The following GABRP variants were observed in gnomAD, a reference collection of about 807,000 sequenced individuals.
GABRP encodes the protein gamma-aminobutyric acid receptor subunit pi.
In GABRP, 52 loss-of-function variants were observed where a neutral mutation model predicts 47.8. The ratio of observed to expected loss-of-function variants is 1.09; its 90% CI spans 0.87 to 1.37. The LOEUF is 1.37. Ranked by LOEUF, GABRP falls within the 40% of genes most tolerant of loss-of-function variation. The pLI, the probability that GABRP is intolerant of heterozygous loss-of-function variation, is 0.00. For synonymous variants in GABRP, 221 were observed against 205.8 expected (o/e 1.07, Z -0.63); for missense variants, 525 against 542.8 (o/e 0.97, Z 0.33).
At chr5:170,795,656 C>T (rs1176532382) in intron 5 of GABRP, among the ~76,000 whole-genome samples, 1 of 152,156 alleles carries the variant, frequency 6.6e-6, no homozygotes, top group African/African-American at 2.4e-5. Context: ...AAGGCATTGA[C>T]CTGTCCTCAA....
intron 3 of GABRP, among the ~76,000 whole-genome samples, chr5:170,791,219 G>A (rs1765258336): frequency 6.6e-6 from 1 of 152,232 alleles, no homozygotes; most frequent in Non-Finnish European, 1.5e-5. Flanking sequence ...GGGATGTGAT[G>A]CCTCATCCCA....
chr5:170,811,668 C>A (rs1193931543), intron 9 of GABRP, among the ~76,000 whole-genome samples: 3 of 152,308 alleles, frequency 2.0e-5, no homozygotes, highest in African/African-American at 7.2e-5. Context: ...GGTCCACTAA[C>A]TTCAAAGCCT....
At chr5:170,799,365 C>T (rs1380724964) in intron 6 of GABRP, among the ~76,000 whole-genome samples, 1 of 152,190 alleles carries the variant, frequency 6.6e-6, no homozygotes, top group Non-Finnish European at 1.5e-5. Context: ...CACTGTCTTC[C>T]ACAGTGGTTG....
chr5:170,812,315 A>C lies in GABRP; in HGVS notation c.*57A>C. The C allele has an allele frequency of 7.0e-7, 1 of 1,428,010 alleles. No individual in the cohort carries two copies. Among genetic ancestry groups the C allele is most frequent in the South Asian group, 1.3e-5 (1 of 79,810 alleles). 88.5% of individuals were successfully genotyped at this position (1,428,010 alleles called of 1,614,324 possible). A position where few individuals can be genotyped will look rare whatever the true frequency, so the allele number is the denominator to read the frequency against. ...CTTCAACAGGACAAGATAATGATGTAAATGGTATTTTAGGCCAAGTGTGCA... is the reference window on the plus strand; with the variant it reads ...CTTCAACAGGACAAGATAATGATGTCAATGGTATTTTAGGCCAAGTGTGCA... On this transcript the variant is annotated 3_prime_UTR_variant, in exon 10 of 10. Coordinates refer to ENST00000265294, the MANE Select transcript of GABRP (RefSeq NM_014211.3).
rs545240158 is a variant in GABRP at position 170,784,288 on chromosome 5, G to A, written c.-43+414G>A. On this transcript the variant is annotated intron_variant, in intron 1 of 9. Transcript: ENST00000265294. ...GTGCCTGCATAGGAAGGAAGCTGGA[G>A]GTGACAAGTTGGGGTTGGGGGTCAC... Among the ~76,000 whole-genome samples the A allele has an allele frequency of 4.6e-5, 7 of 152,164 alleles. No homozygotes were observed. The East Asian group carries it at 1.3e-3, about 29-fold the overall frequency.
intron 6 of GABRP, among the ~76,000 whole-genome samples, chr5:170,800,567 A>G (rs1179509452): frequency 6.6e-6 from 1 of 152,218 alleles, no homozygotes; most frequent in Non-Finnish European, 1.5e-5. Context: ...AGGAGGTAAC[A>G]AAATGTGTTT....
chr5:170,794,504 T>C lies in GABRP; in HGVS notation c.240+206T>C, dbSNP rs553965143. On this transcript the variant is annotated intron_variant, in intron 4 of 9. Coordinates refer to ENST00000265294, the MANE Select transcript of GABRP (RefSeq NM_014211.3). The stretch of plus-strand genomic sequence containing the variant: ...AGAGCAGATTTTCTGAGTAAGACAA[T>C]GGAAGATTCTTGTAGAGCAGATTTC... The C allele has an allele frequency of 1.5e-5, 6 of 388,326 alleles. No individual in the cohort carries two copies. In the East Asian group the frequency reaches 1.9e-4, roughly 12 times the overall value. The allele number at this position is 388,326 out of a possible 1,614,324, so 24.1% of individuals were successfully genotyped here.
intron 2 of GABRP, 35 bp downstream of exon 2, chr5:170,788,703 G>A (rs756818562): frequency 6.2e-7 from 1 of 1,603,908 alleles, no homozygotes; most frequent in South Asian, 1.1e-5. Context: ...GCCTCCATCT[G>A]CGTTGCTTTG....
At position 170,812,284 on chromosome 5, in the gene GABRP, A is replaced by C; in HGVS notation, c.*26A>C. ...GTCAATGTTAAATTTCTTGCATGCC[A>C]TAGGTCTTCAACAGGACAAGATAAT... On this transcript the variant is annotated 3_prime_UTR_variant, in exon 10 of 10. Transcript: ENST00000265294. 1.3e-6 allele frequency: 2 copies of C among 1,571,872 alleles called. No homozygotes were observed.
At chr5:170,809,519 G>A in intron 8 of GABRP, 49 bp from the exon 9 acceptor site, 1 of 1,583,656 alleles carries the variant, frequency 6.3e-7, no homozygotes, top group African/African-American at 1.3e-5. Flanking sequence ...GGCTATGGTG[G>A]AGGACTAACC....
intron 2 of GABRP, 128 bp from the exon 3 acceptor site, chr5:170,789,001 G>T: frequency 1.4e-6 from 1 of 728,092 alleles, no homozygotes; most frequent in South Asian, 1.7e-5. Context: ...CTGTAGGAAT[G>T]TCACTGCTGG....
chr5:170,791,680 C>T (rs898683872), intron 3 of GABRP, among the ~76,000 whole-genome samples: 4 of 136,648 alleles, frequency 2.9e-5, no homozygotes, highest in African/African-American at 8.5e-5. Context: ...GTGGAGCTCT[C>T]GTGTCTTTTC....
chr5:170,784,126 C>T (rs1334604273), intron 1 of GABRP, among the ~76,000 whole-genome samples: 1 of 152,202 alleles, frequency 6.6e-6, no homozygotes, highest in Non-Finnish European at 1.5e-5. Context: ...ACGCGCCGCA[C>T]CACTTTATCT....
In GABRP at chr5:170,794,282, T is replaced by C. The variant is rs1317463909; in HGVS notation, c.224T>C (p.Ile75Thr). Residue 75 changes from isoleucine (I) to threonine (T), a missense_variant, in exon 4 of 10, where the codon ATT (isoleucine) becomes ACT (threonine). Physicochemically the swap from Ile to Thr is moderately conservative, Grantham distance 89. Coordinates refer to ENST00000265294, the MANE Select transcript of GABRP (RefSeq NM_014211.3). The stretch of plus-strand genomic sequence containing the variant: ...CTGGACATTGCAAGTATCTCTAGCA[T>C]TTCAGAGAGTAACATGGTAAGCGCT... Reference protein sequence around the residue: ...LTLDIASISSISESNMDYTAT... With the variant: ...LTLDIASISSTSESNMDYTAT... The C allele has an allele frequency of 1.2e-6, 2 of 1,610,726 alleles. No homozygotes were observed. The highest frequency in any genetic ancestry group is 1.7e-6 in the Non-Finnish European group (2 of 1,177,670).
In GABRP at chr5:170,795,419, C is replaced by A. The variant is rs80121803; in HGVS notation, c.452C>A (p.Ala151Asp). 4.5e-5 allele frequency: 73 copies of A among 1,613,530 alleles called. No individual in the cohort carries two copies. The highest frequency in any genetic ancestry group is 6.1e-5 in the Non-Finnish European group (72 of 1,179,630). ...TTCTCCAATGGCACGGTCCTGTATG[C>A]CCTCAGGTACGCGGACACCTGTGAC... The part of the protein sequence containing the change: ...RLFSNGTVLY[A>D]LRITTTVACN... The change falls in exon 5 of 10, where the codon GCC becomes GAC. Residue 151 changes from alanine (A) to aspartate (D), a missense_variant. Physicochemically the swap from Ala to Asp is moderately radical, Grantham distance 126. Coordinates refer to ENST00000265294, the MANE Select transcript of GABRP (RefSeq NM_014211.3).
At chr5:170,782,990 G>T (rs1246107580), upstream of GABRP, 2 of 149,864 alleles carry the variant, frequency 1.3e-5, no homozygotes, top group Non-Finnish European at 2.9e-5. Flanking sequence ...AAGCACTTCT[G>T]TTAGGAGGTT....
intron 3 of GABRP, among the ~76,000 whole-genome samples, chr5:170,793,078 G>A (rs1487308411): frequency 1.3e-5 from 2 of 152,110 alleles, no homozygotes; most frequent in Non-Finnish European, 2.9e-5. Flanking sequence ...GATAACCAAT[G>A]ATGAACACCT....
chr5:170,808,487 C>G lies in GABRP; in HGVS notation c.680-113C>G. The stretch of plus-strand genomic sequence containing the variant: ...AATCATAATGACAGTTCATACATAA[C>G]CAGATTTAGATCAATGACAGAGGGC... On this transcript the variant is annotated intron_variant, in intron 7 of 9. Transcript: ENST00000265294. The G allele has an allele frequency of 2.7e-5, 24 of 874,246 alleles. No homozygotes were observed. The South Asian group carries it at 4.2e-4, about 15-fold the overall frequency. 54.2% of individuals were successfully genotyped at this position (874,246 alleles called of 1,614,324 possible). A position where few individuals can be genotyped will look rare whatever the true frequency, so the allele number is the denominator to read the frequency against.
intron 4 of GABRP, 33 bp from the exon 5 acceptor site, chr5:170,795,175 C>T (rs1765392258): frequency 6.7e-7 from 1 of 1,499,534 alleles, no homozygotes; most frequent in African/African-American, 1.4e-5. Flanking sequence ...CCACTACCCC[C>T]ATCCATTTCC....
Sources: gnomAD v4.1 joint callset for allele counts (sites outside exome capture counted in the v4.1 genomes callset) on GRCh38, gnomAD v4.1.1 for gene constraint, MANE v1.5 for transcripts, NCBI Gene and HGNC (gene_info 2026-07-23, HGNC 2026-07-21) for gene names.